Variants in PRKAG2 observed in about 807,000 individuals in gnomAD.
PRKAG2 encodes protein kinase AMP-activated non-catalytic subunit gamma 2.
A neutral mutation model predicts 69.6 loss-of-function variants in PRKAG2; 26 were observed. The ratio of observed to expected loss-of-function variants is 0.37; its 90% CI spans 0.27 to 0.52. The LOEUF is 0.52. Among genes scored for constraint, PRKAG2 ranks in the 20% least tolerant of loss-of-function variants. The pLI is 0.90. For synonymous variants in PRKAG2, 293 were observed against 285.0 expected (o/e 1.03, Z -0.28); for missense variants, 557 against 740.0 (o/e 0.75, Z 2.87).
chr7:151,733,164 C>T (rs1038482960), intron 3 of PRKAG2, among the ~76,000 whole-genome samples: 1 of 152,222 alleles, frequency 6.6e-6, no homozygotes, highest in East Asian at 1.9e-4. Context: ...TCCCGCCTCC[C>T]ACCCAGCCTA....
intron 3 of PRKAG2, among the ~76,000 whole-genome samples, chr7:151,683,909 TTTTC>T (rs1723387549): frequency 6.6e-6 from 1 of 152,106 alleles, no homozygotes. Context: ...TAGGACTCTG[TTTTC>T]TCAAGGAGCA....
chr7:151,627,224 C>T (rs1371902669), intron 5 of PRKAG2, among the ~76,000 whole-genome samples: 2 of 152,156 alleles, frequency 1.3e-5, no homozygotes, highest in Non-Finnish European at 2.9e-5. Context: ...GGCCTGAATC[C>T]CGAGATGCCT....
chr7:151,855,458 C>T (rs529588357), intron 1 of PRKAG2, among the ~76,000 whole-genome samples: 1 of 36,468 alleles, frequency 2.7e-5, no homozygotes, highest in Non-Finnish European at 5.2e-5. Context: ...ACACCATCCT[C>T]CACACACACC....
rs144545473 is a variant in PRKAG2 at position 151,582,858 on chromosome 7, T to C, written c.865-6406A>G. ...CCCTCTGTGAGCCTCAACATGCTGTTATAAAATGGGGCTAATGGATATTTC... is the reference window on the plus strand; with the variant it reads ...CCCTCTGTGAGCCTCAACATGCTGTCATAAAATGGGGCTAATGGATATTTC... On this transcript the variant is annotated intron_variant, in intron 6 of 15. Coordinates refer to ENST00000287878, the MANE Select transcript of PRKAG2 (RefSeq NM_016203.4). 6.9e-3 allele frequency among the ~76,000 whole-genome samples: 1,057 copies of C among 152,330 alleles called. 20 individuals carry two copies. Among genetic ancestry groups the C allele is most frequent in the African/African-American group, 0.024 (1,002 of 41,572 alleles).
At chr7:151,576,249 T>G (rs1165631437) in intron 7 of PRKAG2, 122 bp downstream of exon 7, 3 of 1,007,540 alleles carry the variant, frequency 3.0e-6, no homozygotes, top group Non-Finnish European at 4.6e-6. Context: ...CCAGCAAGAA[T>G]GTTCTTTAAC....
rs2076671291 is a variant in PRKAG2, at chr7:151,781,541, T to C, written c.187-110A>G. ...TCTCTCACATGCGGGCCCCCCATAG[T>C]ACCCTCCCAGAGAAACAGCCCTAAG... On this transcript the variant is annotated intron_variant, in intron 2 of 15. Coordinates refer to ENST00000287878, the MANE Select transcript of PRKAG2 (RefSeq NM_016203.4). The surrounding 1 kb of genome is among the most constrained non-coding windows in gnomAD (Gnocchi z 6.1). 2.3e-6 allele frequency: 3 copies of C among 1,328,940 alleles called. No individual in the cohort carries two copies. The highest frequency in any genetic ancestry group is 2.1e-6 in the Non-Finnish European group (2 of 962,302). 82.3% of individuals were successfully genotyped at this position (1,328,940 alleles called of 1,614,324 possible).
chr7:151,638,431 G>A lies in PRKAG2; in HGVS notation c.685-6293C>T, dbSNP rs779272143. On this transcript the variant is annotated intron_variant, in intron 4 of 15. Coordinates refer to ENST00000287878, the MANE Select transcript of PRKAG2 (RefSeq NM_016203.4). The surrounding 1 kb of genome is among the most constrained non-coding windows in gnomAD (Gnocchi z 4.3). ...GGGCGGATCACAAGGTCAGGAGATC[G>A]AGACCATCCTGGCCAACATGGTGAA... Among the ~76,000 whole-genome samples, 23 of 152,086 alleles carry A rather than the reference G, an allele frequency of 1.5e-4. No homozygotes were observed. Among genetic ancestry groups the A allele is most frequent in the Admixed American group, 5.9e-4 (9 of 15,270 alleles).
chr7:151,704,816 G>A (rs1378225727), intron 3 of PRKAG2, among the ~76,000 whole-genome samples: 1 of 152,206 alleles, frequency 6.6e-6, no homozygotes, highest in Non-Finnish European at 1.5e-5. Context: ...AAGAGAGTGA[G>A]TATTGCCAAG....
chr7:151,675,764 C>A (rs764160655), intron 3 of PRKAG2, 127 bp from the exon 4 acceptor site: 19 of 904,202 alleles, frequency 2.1e-5, no homozygotes, highest in South Asian at 1.4e-5. Context: ...CAGGAAGGGA[C>A]GTCGGGGGCA....
At chr7:151,744,074 C>A (rs774131686) in intron 3 of PRKAG2, among the ~76,000 whole-genome samples, 1 of 152,194 alleles carries the variant, frequency 6.6e-6, no homozygotes, top group East Asian at 1.9e-4. Flanking sequence ...AGCACGGTCA[C>A]CCCTGCTTCC....
At chr7:151,822,421 C>T (rs561214647) in intron 1 of PRKAG2, among the ~76,000 whole-genome samples, 3 of 152,270 alleles carry the variant, frequency 2.0e-5, no homozygotes, top group East Asian at 3.9e-4. Flanking sequence ...TGGGTGAAGG[C>T]GCTGTGGGAG....
At chr7:151,865,779 G>A (rs1484238841) in intron 1 of PRKAG2, among the ~76,000 whole-genome samples, 1 of 152,214 alleles carries the variant, frequency 6.6e-6, no homozygotes, top group Admixed American at 6.5e-5. Flanking sequence ...CAGCACTTTG[G>A]GAGGCCAAGG....
chr7:151,624,629 C>T (rs1204715098), intron 5 of PRKAG2, among the ~76,000 whole-genome samples: 1 of 152,144 alleles, frequency 6.6e-6, no homozygotes, highest in Non-Finnish European at 1.5e-5. Flanking sequence ...AAGGCGATTT[C>T]CTCGGATGCC....
At chr7:151,800,371 A>AG (rs937430823) in intron 1 of PRKAG2, among the ~76,000 whole-genome samples, 232 of 151,266 alleles carry the variant, frequency 1.5e-3, no homozygotes, top group Non-Finnish European at 2.6e-3. Context: ...AAAAAAAAAA[A>AG]AAAGAAAGTC....
intron 1 of PRKAG2, among the ~76,000 whole-genome samples, chr7:151,787,067 C>A (rs2077045429): frequency 6.6e-6 from 1 of 152,180 alleles, no homozygotes; most frequent in Non-Finnish European, 1.5e-5. Context: ...TCACCACACA[C>A]TTACTGTGTC....
In PRKAG2 at chr7:151,556,406, G is replaced by A. The variant is rs1002009552; in HGVS notation, c.*795C>T. On this transcript the variant is annotated 3_prime_UTR_variant, in exon 16 of 16. Transcript: ENST00000287878. ...TCCCGGCACTTGGCTCCCGCCTGAC[G>A]GCAACGTCTCCTCCACACTTTGAGA... is the stretch of plus-strand genomic sequence containing the variant. The A allele has an allele frequency of 1.3e-5, 2 of 152,718 alleles. No individual in the cohort carries two copies. Among genetic ancestry groups the A allele is most frequent in the South Asian group, 2.1e-4 (1 of 4,828 alleles). 9.5% of individuals were successfully genotyped at this position (152,718 alleles called of 1,614,324 possible).
intron 3 of PRKAG2, among the ~76,000 whole-genome samples, chr7:151,683,382 G>A (rs80329280): frequency 0.012 from 1,762 of 152,308 alleles, 25 homozygotes; most frequent in Middle Eastern, 0.051. Flanking sequence ...AAGTTGCCAT[G>A]GGCTCTGGGA....
chr7:151,758,517 A>G (rs950604075), intron 3 of PRKAG2, among the ~76,000 whole-genome samples: 6 of 152,224 alleles, frequency 3.9e-5, no homozygotes, highest in Non-Finnish European at 7.3e-5. Context: ...GGAAAAGGAT[A>G]AAGGCATGTT....
chr7:151,693,476 G>T (rs550957620), intron 3 of PRKAG2, among the ~76,000 whole-genome samples: 1 of 152,156 alleles, frequency 6.6e-6, no homozygotes, highest in Non-Finnish European at 1.5e-5. Context: ...CCCACGAGAG[G>T]GTTCTATGCA....
Sources: allele counts gnomAD v4.1 joint callset (sites outside exome capture counted in the v4.1 genomes callset), GRCh38; gene constraint gnomAD v4.1.1; non-coding constraint Gnocchi (gnomAD v3.1); transcripts MANE v1.5; gene names NCBI Gene and HGNC (gene_info 2026-07-23, HGNC 2026-07-21).